The following APLF variants were observed in gnomAD, a reference collection of about 807,000 sequenced individuals.
APLF encodes aprataxin and PNK-like factor.
Under a neutral mutation model 55.6 loss-of-function variants are expected in APLF, and 61 were observed. The ratio of observed to expected loss-of-function variants is 1.10; its 90% CI spans 0.89 to 1.36. APLF has a LOEUF of 1.36. Ranked by LOEUF, APLF falls within the 40% of genes most tolerant of loss-of-function variation. The probability of loss-of-function intolerance (pLI) is 0.00; values close to 1 mark genes in which losing one functional copy is unlikely to be tolerated. For missense variants in APLF, 611 were observed against 602.5 expected (o/e 1.01, Z -0.15); for synonymous variants, 207 against 214.8 (o/e 0.96, Z 0.32).
rs1035598373 is a variant in APLF at position 68,529,458 on chromosome 2, T to G, written c.804+3216T>G. The G allele has an allele frequency of 5.4e-5, 62 of 1,139,054 alleles. No homozygotes were observed. The African/African-American group carries it at 9.3e-4, about 17-fold the overall frequency. The allele number at this position is 1,139,054 out of a possible 1,614,324, so 70.6% of individuals were successfully genotyped here. A position where few individuals can be genotyped will look rare whatever the true frequency, so the allele number is the denominator to read the frequency against. On this transcript the variant is annotated intron_variant, in intron 6 of 9. Transcript: ENST00000303795. The surrounding 1 kb of genome is among the most constrained non-coding windows in gnomAD (Gnocchi z 4.4). ...CAGGAACAAAATACGCTTAGTGAGTTGTCCATTTTGAGCGAGTTGTGCACA... is the reference window on the plus strand; with the variant it reads ...CAGGAACAAAATACGCTTAGTGAGTGGTCCATTTTGAGCGAGTTGTGCACA...
At chr2:68,525,940 G>A (rs772973879) in intron 5 of APLF, 121 bp from the exon 6 acceptor site, 28 of 898,030 alleles carry the variant, frequency 3.1e-5, no homozygotes, top group Non-Finnish European at 4.1e-5. Context: ...AGTAGAGACC[G>A]GGTTTCACCA....
rs568812361 is a variant in APLF at position 68,494,102 on chromosome 2, C to T, written c.168+3841C>T. On this transcript the variant is annotated intron_variant, in intron 2 of 9. Coordinates refer to ENST00000303795, the MANE Select transcript of APLF (RefSeq NM_173545.3). ...TAGCCTGGGTGACAGAGTGAGACTC[C>T]GTCCCAAAAGAGAAAAAAAAAAAAT... 4.0e-4 allele frequency among the ~76,000 whole-genome samples: 60 copies of T among 149,878 alleles called. 1 individual carries two copies. Among genetic ancestry groups the T allele is most frequent in the Admixed American group, 1.4e-3 (21 of 15,042 alleles).
At chr2:68,523,044 C>G (rs1208236080) in intron 5 of APLF, among the ~76,000 whole-genome samples, 1 of 151,748 alleles carries the variant, frequency 6.6e-6, no homozygotes, top group Non-Finnish European at 1.5e-5. Flanking sequence ...TAAATAAAGT[C>G]AGAGGCAAAT....
chr2:68,524,934 G>T (rs575997294), intron 5 of APLF, among the ~76,000 whole-genome samples: 1 of 152,222 alleles, frequency 6.6e-6, no homozygotes, highest in African/African-American at 2.4e-5. Context: ...TAAACTTTGG[G>T]TATTTTATGG....
At chr2:68,468,012 C>G (rs1675486818) in intron 1 of APLF, among the ~76,000 whole-genome samples, 185 bp downstream of exon 1, 1 of 152,204 alleles carries the variant, frequency 6.6e-6, no homozygotes, top group African/African-American at 2.4e-5. Context: ...CTTTATGTTG[C>G]TTTTAAAACA....
At chr2:68,515,423 AAAG>A (rs890138102) in intron 5 of APLF, among the ~76,000 whole-genome samples, 9 of 151,820 alleles carry the variant, frequency 5.9e-5, no homozygotes, top group African/African-American at 2.2e-4. Context: ...CTGATAAAAG[AAAG>A]ACTTAACTTG....
rs140017505 is a variant in APLF at position 68,545,186 on chromosome 2, G to A, written c.1161-1G>A. ...TGACAGTATATTTGTCGCCCTCCTA[G>A]GAAGAATCCTGTTCATTTTCAACAT... On this transcript the variant is annotated splice_acceptor_variant, in intron 7 of 9. Transcript: ENST00000303795. LOFTEE classifies it high-confidence loss of function. 13 of 1,612,282 alleles carry A rather than the reference G, an allele frequency of 8.1e-6. No individual in the cohort carries two copies. Among genetic ancestry groups the A allele is most frequent in the Non-Finnish European group, 9.3e-6 (11 of 1,179,172 alleles).
intron 8 of APLF, among the ~76,000 whole-genome samples, chr2:68,545,777 C>T (rs551628603): frequency 7.3e-4 from 111 of 152,210 alleles, no homozygotes; most frequent in African/African-American, 2.5e-3. Context: ...TGTCCTTGTC[C>T]GTATCATGCA....
intron 6 of APLF, among the ~76,000 whole-genome samples, chr2:68,533,012 G>C (rs1230711283): frequency 6.6e-6 from 1 of 152,142 alleles, no homozygotes; most frequent in Non-Finnish European, 1.5e-5. Flanking sequence ...GACTGCTTAA[G>C]CCCAGGAGTT....
chr2:68,487,820 G>T (rs371463698), intron 1 of APLF, among the ~76,000 whole-genome samples: 2 of 151,966 alleles, frequency 1.3e-5, no homozygotes, highest in Admixed American at 1.3e-4. Flanking sequence ...TCACTATTTA[G>T]GGTTTTACTT....
At position 68,579,859 on chromosome 2, in the gene APLF, T is replaced by C. The variant is rs1374878798; in HGVS notation, c.*1837T>C. Reference sequence around the variant, plus strand: ...GTGATAAAAATGTTCTAAGATTAGATGGCAGTGATGGTTGCACAACTCTGT... The same window carrying C: ...GTGATAAAAATGTTCTAAGATTAGACGGCAGTGATGGTTGCACAACTCTGT... On this transcript the variant is annotated 3_prime_UTR_variant, in exon 10 of 10. Transcript: ENST00000303795. The C allele has an allele frequency of 4.0e-6, 1 of 247,240 alleles. No individual in the cohort carries two copies. Among genetic ancestry groups the C allele is most frequent in the Non-Finnish European group, 6.4e-6 (1 of 155,262 alleles). The allele number at this position is 247,240 out of a possible 1,614,324, so 15.3% of individuals were successfully genotyped here.
chr2:68,517,733 CTAATA>C (rs909226059), intron 5 of APLF, among the ~76,000 whole-genome samples: 4 of 144,144 alleles, frequency 2.8e-5, no homozygotes, highest in African/African-American at 1.0e-4. Context: ...TAATATATAA[CTAATA>C]TATCACTAAT....
chr2:68,524,438 C>T (rs1261707706), intron 5 of APLF, among the ~76,000 whole-genome samples: 1 of 152,136 alleles, frequency 6.6e-6, no homozygotes, highest in Non-Finnish European at 1.5e-5. Context: ...AAATTAGGCC[C>T]ACTGCCTGGT....
At chr2:68,470,869 C>T (rs896487466) in intron 1 of APLF, among the ~76,000 whole-genome samples, 4 of 152,176 alleles carry the variant, frequency 2.6e-5, no homozygotes, top group African/African-American at 9.7e-5. Flanking sequence ...ATAGACTCTT[C>T]AGGTGGCATC....
intron 9 of APLF, among the ~76,000 whole-genome samples, chr2:68,567,913 T>A (rs1210342731): frequency 6.6e-6 from 1 of 152,094 alleles, no homozygotes; most frequent in Non-Finnish European, 1.5e-5. Context: ...ACCCTCATGA[T>A]TCCTAGGAAA....
chr2:68,519,638 C>CA lies in APLF; in HGVS notation c.622+5967dup, dbSNP rs542496313. Among the ~76,000 whole-genome samples the CA allele has an allele frequency of 6.6e-4, 96 of 145,058 alleles. No homozygotes were observed. In the South Asian group the frequency reaches 0.016, roughly 24 times the overall value. ...TCAACACATACAGAGATGTTATTGA[C>CA]AAAAAAAAATTACACATGAAGTAAT... On this transcript the variant is annotated intron_variant, in intron 5 of 9. Transcript: ENST00000303795.
At chr2:68,501,590 A>C (rs547655945) in intron 2 of APLF, among the ~76,000 whole-genome samples, 102 of 152,268 alleles carry the variant, frequency 6.7e-4, no homozygotes, top group African/African-American at 2.4e-3. Flanking sequence ...GGCACCTCAT[A>C]ATAGGTCCTT....
At chr2:68,493,893 G>T (rs1676451789) in intron 2 of APLF, among the ~76,000 whole-genome samples, 2 of 152,128 alleles carry the variant, frequency 1.3e-5, no homozygotes, top group African/African-American at 4.8e-5. Flanking sequence ...TGGATCACGA[G>T]GTCAGGAGAT....
At chr2:68,576,345 A>G (rs1369231672) in intron 9 of APLF, among the ~76,000 whole-genome samples, 2 of 152,160 alleles carry the variant, frequency 1.3e-5, no homozygotes, top group Admixed American at 6.6e-5. Context: ...AACTGAGATT[A>G]GACATAAAAC....
Sources: gnomAD v4.1 joint callset for allele counts (sites outside exome capture counted in the v4.1 genomes callset) on GRCh38, gnomAD v4.1.1 for gene constraint, Gnocchi (gnomAD v3.1) non-coding constraint, MANE v1.5 for transcripts, NCBI Gene and HGNC (gene_info 2026-07-23, HGNC 2026-07-21) for gene names.